The following KIRREL1 variants were observed in gnomAD, a reference collection of about 807,000 sequenced individuals.
KIRREL1 encodes kin of IRRE-like protein 1.
Under a neutral mutation model 83.3 loss-of-function variants are expected in KIRREL1, and 25 were observed. That is an observed-to-expected ratio of 0.30 (90% confidence interval 0.22 to 0.42). KIRREL1 has a LOEUF of 0.42. Ranked by LOEUF, KIRREL1 falls within the 10% of genes least tolerant of loss-of-function variation. KIRREL1 has a pLI of 1.00. For synonymous variants in KIRREL1, 388 were observed against 410.4 expected, an observed-to-expected ratio of 0.95 and a Z score of 0.66; for missense variants, 812 against 1,032.3, an observed-to-expected ratio of 0.79 and a Z score of 2.92.
intron 1 of KIRREL1, among the ~76,000 whole-genome samples, chr1:158,057,112 T>C (rs749607106): frequency 3.3e-5 from 5 of 152,204 alleles, no homozygotes; most frequent in East Asian, 1.9e-4. Flanking sequence ...GAGATGTTAC[T>C]GCCTTTGGGG....
At chr1:158,015,032 G>A (rs917837441) in intron 1 of KIRREL1, among the ~76,000 whole-genome samples, 28 of 152,240 alleles carry the variant, frequency 1.8e-4, no homozygotes, top group Non-Finnish European at 4.1e-4. Flanking sequence ...GATACTTTGG[G>A]GGTTAGGTGT....
chr1:158,062,444 C>T (rs1051416528), intron 1 of KIRREL1, among the ~76,000 whole-genome samples: 2 of 152,220 alleles, frequency 1.3e-5, no homozygotes, highest in Non-Finnish European at 1.5e-5. Flanking sequence ...TTAGATGGAT[C>T]GATTCAGCAG....
At chr1:158,001,508 G>A (rs1659359087) in intron 1 of KIRREL1, among the ~76,000 whole-genome samples, 1 of 152,196 alleles carries the variant, frequency 6.6e-6, no homozygotes, top group Admixed American at 6.5e-5. Context: ...GACTGCTGGT[G>A]GTGCAAGGTG....
At chr1:158,026,134 G>C (rs1378052464) in intron 1 of KIRREL1, among the ~76,000 whole-genome samples, 1 of 152,218 alleles carries the variant, frequency 6.6e-6, no homozygotes, top group African/African-American at 2.4e-5. Flanking sequence ...GTGAGAAGCA[G>C]AGAAGGAGCT....
intron 1 of KIRREL1, 37 bp from the exon 2 acceptor site, chr1:158,076,076 T>C: frequency 6.3e-7 from 1 of 1,598,900 alleles, no homozygotes; most frequent in Non-Finnish European, 8.5e-7. Context: ...GCCCCTCTCC[T>C]TACTCATCTT....
Position 158,086,666 on chromosome 1 carries a change from T to A in KIRREL1, c.581T>A (p.Ile194Lys). Residue 194 changes from isoleucine (I) to lysine (K), a missense_variant, in exon 5 of 15, where the codon ATA (isoleucine) becomes AAA (lysine). This residue lies in a region of KIRREL1 where 472 missense variants were observed against 626.8 expected (regional missense o/e 0.75). Transcript: ENST00000359209. ...QLLINPTDLD[I>K]GRVFTCRSMN... ...CTTATTAACCCCACGGACCTGGACA[T>A]AGGGCGTGTCTTCACTTGCCGAAGC... is the stretch of plus-strand genomic sequence containing the variant. 6.4e-7 allele frequency: 1 copy of A among 1,551,620 alleles called. No individual in the cohort carries two copies.
chr1:158,058,733 A>G (rs2101602275), intron 1 of KIRREL1, among the ~76,000 whole-genome samples: 1 of 152,236 alleles, frequency 6.6e-6, no homozygotes, highest in East Asian at 1.9e-4. Context: ...TCTCTTAGGT[A>G]TGCACATTGC....
At chr1:158,023,158 A>G (rs903250221) in intron 1 of KIRREL1, among the ~76,000 whole-genome samples, 1 of 152,328 alleles carries the variant, frequency 6.6e-6, no homozygotes, top group Middle Eastern at 3.4e-3. Context: ...GTCCCTAGGC[A>G]TCATTCCAGG....
At chr1:158,009,819 A>C (rs562745215) in intron 1 of KIRREL1, among the ~76,000 whole-genome samples, 18 of 152,356 alleles carry the variant, frequency 1.2e-4, no homozygotes, top group African/African-American at 3.8e-4. Context: ...CCTGTGTGCC[A>C]AAGGGTTAAA....
At chr1:157,993,760 G>T in intron 1 of KIRREL1, 32 bp downstream of exon 1, 2 of 1,419,652 alleles carry the variant, frequency 1.4e-6, no homozygotes, top group South Asian at 1.4e-5. Context: ...CCGGACGCTC[G>T]GCTTCCCCCC....
intron 1 of KIRREL1, among the ~76,000 whole-genome samples, chr1:158,071,198 C>G (rs1362280179): frequency 6.6e-6 from 1 of 152,164 alleles, no homozygotes; most frequent in Non-Finnish European, 1.5e-5. Flanking sequence ...GCGTCTTTTC[C>G]ACGCTGGGCT....
At chr1:158,004,997 T>C (rs1220836998) in intron 1 of KIRREL1, among the ~76,000 whole-genome samples, 1 of 152,226 alleles carries the variant, frequency 6.6e-6, no homozygotes, top group Non-Finnish European at 1.5e-5. Flanking sequence ...TTCAACCCAG[T>C]GTGTTAGAAC....
intron 10 of KIRREL1, among the ~76,000 whole-genome samples, chr1:158,090,949 A>G (rs191222899): frequency 7.2e-5 from 11 of 152,274 alleles, no homozygotes; most frequent in Non-Finnish European, 1.0e-4. Context: ...TTGAGGACAA[A>G]TGCAGAACTT....
At chr1:158,054,341 T>G (rs1419463859) in intron 1 of KIRREL1, among the ~76,000 whole-genome samples, 3 of 151,502 alleles carry the variant, frequency 2.0e-5, no homozygotes, top group Admixed American at 6.6e-5. Flanking sequence ...TTCATAGAAG[T>G]TATATAAACA....
intron 1 of KIRREL1, among the ~76,000 whole-genome samples, chr1:158,058,622 G>A (rs898892099): frequency 1.3e-5 from 2 of 152,208 alleles, no homozygotes; most frequent in Non-Finnish European, 2.9e-5. Context: ...GTCTCGGGGA[G>A]CTAGTGCAGG....
chr1:158,065,053 T>A (rs1452981751), intron 1 of KIRREL1, among the ~76,000 whole-genome samples: 2 of 151,840 alleles, frequency 1.3e-5, no homozygotes, highest in Admixed American at 1.3e-4. Flanking sequence ...GAGGGGTCCT[T>A]CAGAGTGCTT....
chr1:158,089,419 C>G, intron 8 of KIRREL1, 83 bp from the exon 9 acceptor site: 1 of 1,581,806 alleles, frequency 6.3e-7, no homozygotes, highest in South Asian at 1.2e-5. Flanking sequence ...TGCTTTCTTT[C>G]CGATGCCTCC....
intron 1 of KIRREL1, among the ~76,000 whole-genome samples, chr1:158,034,030 T>C (rs1660401788): frequency 6.6e-6 from 1 of 151,606 alleles, no homozygotes; most frequent in Non-Finnish European, 1.5e-5. Context: ...TCCCAGCACT[T>C]TGGGAGGCCG....
At chr1:158,065,195 TA>T (rs1180695505) in intron 1 of KIRREL1, among the ~76,000 whole-genome samples, 2 of 152,122 alleles carry the variant, frequency 1.3e-5, no homozygotes, top group Non-Finnish European at 2.9e-5. Flanking sequence ...AGACTGTTCC[TA>T]AAAGTGCCAG....
Sources: gnomAD v4.1 joint callset for allele counts (sites outside exome capture counted in the v4.1 genomes callset) on GRCh38, gnomAD v4.1.1 for gene constraint, gnomAD v4.1.1 regional missense constraint, MANE v1.5 for transcripts, NCBI Gene and HGNC (gene_info 2026-07-23, HGNC 2026-07-21) for gene names.